The following NDRG2 variants were observed in gnomAD, a reference collection of about 807,000 sequenced individuals.
NDRG2 encodes the protein protein NDRG2.
Under a neutral mutation model 58.2 loss-of-function variants are expected in NDRG2, and 34 were observed. The ratio of observed to expected loss-of-function variants is 0.58; its 90% CI spans 0.44 to 0.78. The LOEUF (loss-of-function observed/expected upper bound fraction) is 0.78, where lower values mean the gene tolerates loss of function less well. Ranked by LOEUF, NDRG2 falls within the 30% of genes least tolerant of loss-of-function variation. NDRG2 has a pLI of 0.00. For synonymous variants in NDRG2, 187 were observed against 175.9 expected, an observed-to-expected ratio of 1.06 and a Z score of -0.50; for missense variants, 434 against 471.2, an observed-to-expected ratio of 0.92 and a Z score of 0.73.
chr14:21,021,671 T>C (rs764563941), intron 6 of NDRG2, 146 bp downstream of exon 6: 245 of 901,116 alleles, frequency 2.7e-4, no homozygotes, highest in Non-Finnish European at 3.6e-4. Flanking sequence ...CTTTTCTCAA[T>C]AATCAAGGCG....
chr14:21,063,817 C>T (rs1037532485), intron 1 of NDRG2, among the ~76,000 whole-genome samples: 3 of 152,166 alleles, frequency 2.0e-5, no homozygotes. Flanking sequence ...AGCTTATAAA[C>T]AATTTCTTTA....
chr14:21,029,753 A>G (rs1008864302), upstream of NDRG2, among the ~76,000 whole-genome samples: 20 of 152,126 alleles, frequency 1.3e-4, no homozygotes, highest in African/African-American at 4.8e-4. Flanking sequence ...GAACTCATTC[A>G]CCCCTTCTAC....
At chr14:21,041,821 C>T (rs958787165) in intron 1 of NDRG2, among the ~76,000 whole-genome samples, 1 of 152,206 alleles carries the variant, frequency 6.6e-6, no homozygotes, top group African/African-American at 2.4e-5. Flanking sequence ...AATGGCTTCG[C>T]TATTGGGGAT....
Position 21,046,100 on chromosome 14 carries a change from A to G in NDRG2, c.25-22779T>C, listed in dbSNP as rs531344123. ...TTTTATTTACATAATAAATCATAAT[A>G]CACCAATCAATTCTAAAAAGAGTAA... is the stretch of plus-strand genomic sequence containing the variant. On this transcript the variant is annotated intron_variant, in intron 1 of 14. Coordinates refer to the NDRG2 transcript ENST00000403829. Among the ~76,000 whole-genome samples the G allele has an allele frequency of 8.9e-4, 135 of 152,372 alleles. 1 individual carries two copies. The highest frequency in any genetic ancestry group is 2.2e-4 in the Non-Finnish European group (15 of 68,032).
chr14:21,040,099 C>T (rs970442684), intron 1 of NDRG2, among the ~76,000 whole-genome samples: 3 of 152,140 alleles, frequency 2.0e-5, no homozygotes, highest in Non-Finnish European at 2.9e-5. Flanking sequence ...ATTCATGTTT[C>T]TACGGCAGCA....
upstream of NDRG2, chr14:21,025,797 C>T: frequency 4.2e-6 from 2 of 473,648 alleles, no homozygotes; most frequent in South Asian, 1.9e-4. The surrounding 1 kb of genome is among the most constrained non-coding windows in gnomAD (Gnocchi z 5.1). Flanking sequence ...AGGGCGATCG[C>T]GGGCAGGCGG....
At chr14:21,018,279 A>C (rs764729120) in intron 13 of NDRG2, 40 bp from the exon 14 acceptor site, 19 of 1,613,272 alleles carry the variant, frequency 1.2e-5, no homozygotes, top group Non-Finnish European at 1.5e-5. Flanking sequence ...TGAAACACAC[A>C]TAAATGAGCC....
chr14:21,051,527 C>G (rs553850795), intron 1 of NDRG2, among the ~76,000 whole-genome samples: 1 of 152,222 alleles, frequency 6.6e-6, no homozygotes, highest in South Asian at 2.1e-4. Context: ...TACATCCTCT[C>G]CCTCATGAAG....
intron 6 of NDRG2, chr14:21,021,361 A>G (rs2138914484): frequency 3.0e-6 from 1 of 334,074 alleles, no homozygotes; most frequent in Non-Finnish European, 5.9e-6. Context: ...CCCAGGGGCC[A>G]GCACCTCCCT....
chr14:21,026,988 G>C (rs964762750), upstream of NDRG2, among the ~76,000 whole-genome samples: 1 of 152,140 alleles, frequency 6.6e-6, no homozygotes, highest in Non-Finnish European at 1.5e-5. Context: ...GTCAAAAGTC[G>C]TCTTACTTGG....
upstream of NDRG2, chr14:21,025,144 T>A (rs1346599674): frequency 3.1e-6 from 3 of 968,266 alleles, no homozygotes; most frequent in Non-Finnish European, 2.4e-6. This position sits in a 1 kb window ranked among gnomAD's most constrained non-coding sequence, Gnocchi z 5.1. Context: ...GGCGCTAGGC[T>A]CCCCGCAGAC....
At chr14:21,030,982 A>G (rs1003444531) in intron 1 of NDRG2, 7 of 1,582,416 alleles carry the variant, frequency 4.4e-6, no homozygotes, top group Non-Finnish European at 6.0e-6. Context: ...TCATGCTCCA[A>G]AGTTTCTGGA....
intron 1 of NDRG2, chr14:21,043,572 C>G (rs565116292): frequency 2.6e-6 from 2 of 760,172 alleles, no homozygotes; most frequent in African/African-American, 3.5e-5. Context: ...TGGGGCTGTT[C>G]CTGGTTCAGC....
At chr14:21,038,289 A>G (rs1884743878) in intron 1 of NDRG2, among the ~76,000 whole-genome samples, 1 of 152,260 alleles carries the variant, frequency 6.6e-6, no homozygotes, top group South Asian at 2.1e-4. Context: ...TATGCAAGGC[A>G]TTATGCTATA....
chr14:21,037,642 G>C (rs546162825), intron 1 of NDRG2, among the ~76,000 whole-genome samples: 4 of 152,164 alleles, frequency 2.6e-5, no homozygotes, highest in Admixed American at 1.3e-4. Flanking sequence ...GTGAAGCCCT[G>C]GTCTAAATAA....
Position 21,017,014 on chromosome 14 carries a change from C to A in NDRG2, c.*582G>T, listed in dbSNP as rs1420314727. On this transcript the variant is annotated 3_prime_UTR_variant, in exon 16 of 16. Coordinates refer to ENST00000556147, the MANE Select transcript of NDRG2 (RefSeq NM_001320329.2). ...CCTGTTGCCCCAGCACCAATCCTTC[C>A]CCACACTCGTTCACTGCCCGCCAAC... The A allele has an allele frequency of 2.2e-6, 1 of 456,392 alleles. No individual in the cohort carries two copies. The highest frequency in any genetic ancestry group is 7.0e-5 in the East Asian group (1 of 14,376). 28.3% of individuals were successfully genotyped at this position (456,392 alleles called of 1,614,324 possible). A position where few individuals can be genotyped will look rare whatever the true frequency, so the allele number is the denominator to read the frequency against.
At position 21,070,732 on chromosome 14, in the gene NDRG2, C is replaced by T. The variant is rs112878437; in HGVS notation, c.24+96G>A. ...TTCCTTTCCTGGAGCTTCCCTCCCC[C>T]TCCTGGTCCGAGCTCCTTACCCGCG... is the stretch of plus-strand genomic sequence containing the variant. On this transcript the variant is annotated intron_variant, in intron 1 of 14. Transcript: ENST00000403829. The surrounding 1 kb of genome is among the most constrained non-coding windows in gnomAD (Gnocchi z 4.7). 38 of 1,373,410 alleles carry T rather than the reference C, an allele frequency of 2.8e-5. No individual in the cohort carries two copies. Among genetic ancestry groups the T allele is most frequent in the Admixed American group, 1.4e-4 (7 of 49,488 alleles). The allele number at this position is 1,373,410 out of a possible 1,614,324, so 85.1% of individuals were successfully genotyped here.
chr14:21,030,651 G>C (rs760528187), upstream of NDRG2: 1 of 1,614,078 alleles, frequency 6.2e-7, no homozygotes, highest in East Asian at 2.2e-5. Flanking sequence ...CAGTGGCACT[G>C]AAATGAACAA....
chr14:21,057,847 C>A, intron 1 of NDRG2: 1 of 1,537,068 alleles, frequency 6.5e-7, no homozygotes, highest in South Asian at 1.2e-5. Flanking sequence ...ATGACCTATT[C>A]ATCCACCTAC....
Sources: allele counts gnomAD v4.1 joint callset (sites outside exome capture counted in the v4.1 genomes callset), GRCh38; gene constraint gnomAD v4.1.1; non-coding constraint Gnocchi (gnomAD v3.1); transcripts MANE v1.5; gene names NCBI Gene and HGNC (gene_info 2026-07-23, HGNC 2026-07-21).